CASR: variants seen among roughly 807,000 people sequenced by gnomAD.
CASR encodes the protein calcium sensing receptor.
Under a neutral mutation model 69.1 loss-of-function variants are expected in CASR, and 23 were observed. The observed-to-expected ratio is 0.33, with a 90% CI of 0.24 to 0.47. The LOEUF (loss-of-function observed/expected upper bound fraction) is 0.47. Among genes scored for constraint, CASR ranks in the 20% least tolerant of loss-of-function variants. The pLI is 1.00. For synonymous variants in CASR, 541 were observed against 544.7 expected, an observed-to-expected ratio of 0.99 and a Z score of 0.10; for missense variants, 924 against 1,356.1, an observed-to-expected ratio of 0.68 and a Z score of 5.00.
rs549715121 is a variant in CASR at position 122,257,460 on chromosome 3, T to C, written c.492+73T>C. On this transcript the variant is annotated intron_variant, in intron 3 of 6. Coordinates refer to ENST00000639785, the MANE Select transcript of CASR (RefSeq NM_000388.4). ...GCAGGCTTGGGGGTGCCATGCCCAA[T>C]AGCCATACGGTTTACCATATTCCCA... The C allele has an allele frequency of 7.0e-5, 76 of 1,089,576 alleles. 1 individual carries two copies. The South Asian group carries it at 7.8e-4, about 11-fold the overall frequency. 67.5% of individuals were successfully genotyped at this position (1,089,576 alleles called of 1,614,324 possible). A position where few individuals can be genotyped will look rare whatever the true frequency, so the allele number is the denominator to read the frequency against.
intron 1 of CASR, among the ~76,000 whole-genome samples, chr3:122,239,952 G>A (rs1365020627): frequency 6.6e-6 from 1 of 152,214 alleles, no homozygotes; most frequent in African/African-American, 2.4e-5. Context: ...TAGAGAAATA[G>A]ATAGGGGTAG....
At chr3:122,262,616 C>T (rs1427493557) in intron 4 of CASR, among the ~76,000 whole-genome samples, 1 of 152,140 alleles carries the variant, frequency 6.6e-6, no homozygotes, top group East Asian at 1.9e-4. Context: ...CTATTTAAAG[C>T]CTTGAGTCAA....
intron 1 of CASR, among the ~76,000 whole-genome samples, chr3:122,224,014 C>G (rs1366626603): frequency 1.3e-5 from 2 of 151,984 alleles, no homozygotes; most frequent in Non-Finnish European, 2.9e-5. Flanking sequence ...AAACCCTCAC[C>G]AAATTAGACA....
chr3:122,268,857 A>C (rs1176435438), intron 4 of CASR, among the ~76,000 whole-genome samples: 1 of 152,236 alleles, frequency 6.6e-6, no homozygotes, highest in Non-Finnish European at 1.5e-5. Context: ...AAACTCTCAC[A>C]CAAGAAACCA....
intron 1 of CASR, among the ~76,000 whole-genome samples, chr3:122,229,666 A>G (rs2074261224): frequency 6.6e-6 from 1 of 152,210 alleles, no homozygotes; most frequent in South Asian, 2.1e-4. Flanking sequence ...GTTCGAGACC[A>G]GCCTGGCCAA....
intron 1 of CASR, among the ~76,000 whole-genome samples, chr3:122,212,625 G>C (rs942466317): frequency 7.0e-6 from 1 of 142,832 alleles, no homozygotes; most frequent in South Asian, 2.2e-4. Flanking sequence ...GAAGAGTTTT[G>C]ATTCCAGATT....
intron 4 of CASR, among the ~76,000 whole-genome samples, chr3:122,265,112 T>C (rs2074676010): frequency 6.6e-6 from 1 of 152,236 alleles, no homozygotes; most frequent in African/African-American, 2.4e-5. Flanking sequence ...GTTTTCAAAA[T>C]CCACTTTCCC....
intron 1 of CASR, among the ~76,000 whole-genome samples, chr3:122,197,563 A>G (rs947201391): frequency 3.9e-5 from 6 of 152,054 alleles, no homozygotes; most frequent in Non-Finnish European, 8.8e-5. Context: ...CTGTCTCCTC[A>G]GTTTCTTTAA....
chr3:122,201,129 C>A (rs977562440), intron 1 of CASR, among the ~76,000 whole-genome samples: 2 of 151,856 alleles, frequency 1.3e-5, no homozygotes, highest in African/African-American at 2.4e-5. Context: ...CTGGTTTTCC[C>A]AGGCAGAGGA....
At chr3:122,268,769 G>A (rs1215560476) in intron 4 of CASR, among the ~76,000 whole-genome samples, 1 of 152,196 alleles carries the variant, frequency 6.6e-6, no homozygotes, top group Non-Finnish European at 1.5e-5. Flanking sequence ...CTCCTGAGAG[G>A]ACAGTGGAGG....
intron 1 of CASR, among the ~76,000 whole-genome samples, chr3:122,253,670 A>G (rs1015813242): frequency 6.6e-6 from 1 of 152,266 alleles, no homozygotes; most frequent in Non-Finnish European, 1.5e-5. Context: ...TGAATGGATT[A>G]AAATCCAGCA....
At chr3:122,279,992 C>T (rs1289755438) in intron 5 of CASR, among the ~76,000 whole-genome samples, 2 of 152,110 alleles carry the variant, frequency 1.3e-5, no homozygotes, top group African/African-American at 4.8e-5. Context: ...TTGTTCTCCA[C>T]CCTGTGTCCA....
At chr3:122,216,799 G>A (rs1411897345) in intron 1 of CASR, among the ~76,000 whole-genome samples, 1 of 152,174 alleles carries the variant, frequency 6.6e-6, no homozygotes, top group Non-Finnish European at 1.5e-5. Flanking sequence ...TATGTCATGA[G>A]TGACTTTTGA....
intron 4 of CASR, among the ~76,000 whole-genome samples, chr3:122,272,126 C>CACACACAA (rs1367984129): frequency 2.0e-5 from 3 of 149,338 alleles, no homozygotes; most frequent in Non-Finnish European, 4.4e-5. Context: ...CACACACACA[C>CACACACAA]GAGTAGGATT....
chr3:122,199,012 T>G (rs1404547647), intron 1 of CASR, among the ~76,000 whole-genome samples: 1 of 152,190 alleles, frequency 6.6e-6, no homozygotes, highest in Non-Finnish European at 1.5e-5. Context: ...AATTCCCTCT[T>G]TTTATAGATT....
chr3:122,265,246 TA>T (rs2074678445), intron 4 of CASR, among the ~76,000 whole-genome samples: 3 of 152,226 alleles, frequency 2.0e-5, no homozygotes, highest in African/African-American at 7.2e-5. Flanking sequence ...AATAGACACT[TA>T]TTAGTTAAAA....
At chr3:122,266,531 G>A (rs2074696684) in intron 4 of CASR, among the ~76,000 whole-genome samples, 1 of 151,870 alleles carries the variant, frequency 6.6e-6, no homozygotes, top group African/African-American at 2.4e-5. Flanking sequence ...CCAGGTTCAA[G>A]CAGTACTCCT....
Position 122,229,262 on chromosome 3 carries a change from A to G in CASR, c.-242-24686A>G, listed in dbSNP as rs192642352. ...CCACCCACCTCCACCCACCCTCAAA[A>G]TCAGGCCACTCTTCTTGTAGCAAAA... On this transcript the variant is annotated intron_variant, in intron 1 of 6. Transcript: ENST00000639785. 6.4e-4 allele frequency among the ~76,000 whole-genome samples: 97 copies of G among 152,272 alleles called. 2 individuals are homozygous for G. Among genetic ancestry groups the G allele is most frequent in the Admixed American group, 6.5e-4 (10 of 15,302 alleles).
Position 122,261,967 on chromosome 3 carries a change from T to C in CASR, c.932T>C (p.Phe311Ser). 2 of 1,614,086 alleles carry C rather than the reference T, an allele frequency of 1.2e-6. No homozygotes were observed. Among genetic ancestry groups the C allele is most frequent in the Non-Finnish European group, 1.7e-6 (2 of 1,179,988 alleles). The change falls in exon 4 of 7, where the codon TTC (phenylalanine) becomes TCC (serine). Residue 311 changes from phenylalanine (F) to serine (S), a missense_variant. By Grantham distance (155) the Phe-to-Ser change is radical (BLOSUM62 -2). Transcript: ENST00000639785. ...TCCCTGATCGCCATGCCTCAGTACTTCCACGTGGTTGGCGGCACCATTGGA... is the reference window on the plus strand; with the variant it reads ...TCCCTGATCGCCATGCCTCAGTACTCCCACGTGGTTGGCGGCACCATTGGA... The part of the protein sequence containing the change: ...SSSLIAMPQY[F>S]HVVGGTIGFA...
Sources: gnomAD v4.1 joint callset for allele counts (sites outside exome capture counted in the v4.1 genomes callset) on GRCh38, gnomAD v4.1.1 for gene constraint, MANE v1.5 for transcripts, NCBI Gene and HGNC (gene_info 2026-07-23, HGNC 2026-07-21) for gene names.